DUOX2: variants seen among roughly 807,000 people sequenced by gnomAD.
DUOX2 encodes the protein dual oxidase 2.
In DUOX2, 185 loss-of-function variants were observed where a neutral mutation model predicts 183.3. The ratio of observed to expected loss-of-function variants is 1.01; its 90% CI spans 0.90 to 1.14. The LOEUF is 1.14. Among genes scored for constraint, DUOX2 ranks in the 50% most tolerant of loss-of-function variants. The pLI is 0.00. For synonymous variants in DUOX2, 788 were observed against 812.4 expected (o/e 0.97, Z 0.51); for missense variants, 1,999 against 2,022.9 (o/e 0.99, Z 0.23).
chr15:45,109,716 CCCTTGG>C (rs1458191431), intron 10 of DUOX2, 90 bp from the exon 11 acceptor site: 1 of 1,423,968 alleles, frequency 7.0e-7, no homozygotes, highest in Non-Finnish European at 9.9e-7. Context: ...GGACAAAGGG[CCCTTGG>C]CCAGTCCCAG....
At position 45,113,216 on chromosome 15, in the gene DUOX2, C is replaced by A. The variant is rs75354193; in HGVS notation, c.70+126G>T. The A allele has an allele frequency of 4.8e-6, 7 of 1,449,200 alleles. No individual in the cohort carries two copies. In the East Asian group the frequency reaches 1.5e-4, roughly 31 times the overall value. The allele number at this position is 1,449,200 out of a possible 1,614,324, so 89.8% of individuals were successfully genotyped here. ...GTGTCGGGCCGCACTGGGAAGTTTC[C>A]CATCCCGCTGAGCTGCACGGCGAAA... On this transcript the variant is annotated intron_variant, in intron 2 of 33. Coordinates refer to ENST00000389039, the MANE Select transcript of DUOX2 (RefSeq NM_001363711.2).
At chr15:45,104,117 C>G in intron 19 of DUOX2, 23 bp downstream of exon 19, 1 of 1,614,088 alleles carries the variant, frequency 6.2e-7, no homozygotes, top group Non-Finnish European at 8.5e-7. Flanking sequence ...TCTTGGATAG[C>G]CTGCCACCTC....
At chr15:45,094,883 G>T in intron 32 of DUOX2, 53 bp downstream of exon 32, 2 of 1,610,518 alleles carry the variant, frequency 1.2e-6, no homozygotes, top group Non-Finnish European at 1.7e-6. Context: ...CCTGCCTTAC[G>T]CTGCCAATCC....
intron 27 of DUOX2, 38 bp from the exon 28 acceptor site, chr15:45,097,779 G>A (rs1239220859): frequency 6.2e-7 from 1 of 1,613,954 alleles, no homozygotes; most frequent in African/African-American, 1.3e-5. Context: ...GTAGTCTCAG[G>A]ACTTCAGCTT....
chr15:45,097,205 C>T (rs758294169), intron 29 of DUOX2, 33 bp downstream of exon 29: 102 of 1,613,538 alleles, frequency 6.3e-5, no homozygotes, highest in Admixed American at 2.2e-4. Context: ...TGGCCTCTGT[C>T]GCTCCCGACC....
intron 14 of DUOX2, 134 bp downstream of exon 14, chr15:45,107,211 G>C: frequency 2.3e-6 from 3 of 1,297,958 alleles, no homozygotes; most frequent in Non-Finnish European, 3.4e-6. Flanking sequence ...GTGGGAGCCA[G>C]CCAAATGCAG....
rs764301549 is a variant in DUOX2, at chr15:45,111,489, C to T, written c.610G>A (p.Ala204Thr). 7 of 1,550,920 alleles carry T rather than the reference C, an allele frequency of 4.5e-6. No homozygotes were observed. Among genetic ancestry groups the T allele is most frequent in the Middle Eastern group, 2.3e-4 (1 of 4,380 alleles). Residue 204 changes from alanine (A) to threonine (T), a missense_variant, in exon 6 of 34, where the codon GCG becomes ACG. This residue lies in a region of DUOX2 where 356 missense variants were observed against 356.4 expected (regional missense o/e 1.00). Coordinates refer to ENST00000389039, the MANE Select transcript of DUOX2 (RefSeq NM_001363711.2). ...GGGAAAGCGGGGTCGGGCCCCGACG[C>T]CAGCTGTCCCCCCGAGAAGCTCCGC... ...ALRSFSGGQL[A>T]SGPDPAFPRD...
At position 45,106,981 on chromosome 15, in the gene DUOX2, G is replaced by A. The variant is rs1277376616; in HGVS notation, c.1694-12C>T. 2 of 1,569,836 alleles carry A rather than the reference G, an allele frequency of 1.3e-6. No homozygotes were observed. Among genetic ancestry groups the A allele is most frequent in the Non-Finnish European group, 1.7e-6 (2 of 1,156,912 alleles). Reference sequence around the variant, plus strand: ...AGGGCAGGGTGCACCTGAGGGAGAGGGCAGGGAAGACCTCAAAGTCTGAGG... The same window carrying A: ...AGGGCAGGGTGCACCTGAGGGAGAGAGCAGGGAAGACCTCAAAGTCTGAGG... On this transcript the variant is annotated splice_polypyrimidine_tract_variant and intron_variant, in intron 14 of 33. Transcript: ENST00000389039.
At chr15:45,095,788 G>A in intron 30 of DUOX2, 40 bp downstream of exon 30, 1 of 1,584,742 alleles carries the variant, frequency 6.3e-7, no homozygotes, top group Non-Finnish European at 8.7e-7. Flanking sequence ...TCCTCTGCCA[G>A]TGCCAGAGGC....
chr15:45,099,243 C>G, intron 26 of DUOX2, 140 bp downstream of exon 26: 1 of 674,448 alleles, frequency 1.5e-6, no homozygotes, highest in Non-Finnish European at 2.6e-6. Flanking sequence ...ATCTCCTGAC[C>G]TCGTGATCCG....
At chr15:45,102,614 G>A (rs112473943) in intron 20 of DUOX2, among the ~76,000 whole-genome samples, 1,924 of 152,318 alleles carry the variant, frequency 0.013, 39 homozygotes, top group African/African-American at 0.043. Flanking sequence ...ATAAAACACA[G>A]CAAGCACAAC....
rs776195889 is a variant in DUOX2, at chr15:45,110,689, G to T, written c.904C>A (p.Leu302Met). The T allele has an allele frequency of 1.2e-6, 2 of 1,612,452 alleles. No individual in the cohort carries two copies. Among genetic ancestry groups the T allele is most frequent in the Non-Finnish European group, 1.7e-6 (2 of 1,179,940 alleles). Residue 302 changes from leucine to methionine, a missense_variant, in exon 8 of 34, where the codon CTG becomes ATG. This residue lies in a region of DUOX2 where 1,628 missense variants were observed against 1,608.6 expected (regional missense o/e 1.01). Coordinates refer to ENST00000389039, the MANE Select transcript of DUOX2 (RefSeq NM_001363711.2). ...TYQNIAVYEW[L>M]PSFLQKTLPE... The stretch of plus-strand genomic sequence containing the variant: ...AGTGTTTTCTGCAGGAAGCTGGGCA[G>T]CCACTCATACACAGCGATGTTCTGA...
In DUOX2 at chr15:45,094,678, C is replaced by G. The variant is rs138103904; in HGVS notation, c.4409G>C (p.Arg1470Pro). 1.2e-6 allele frequency: 2 copies of G among 1,614,008 alleles called. No individual in the cohort carries two copies. Among genetic ancestry groups the G allele is most frequent in the East Asian group, 4.5e-5 (2 of 44,860 alleles). ...CCGGTTCAGCACTTTCTGGAAGTGC[C>G]GCTCGCAGATGTACTGGGGGCACAG... ...LRTTMLYICE[R>P]HFQKVLNRSL... Residue 1470 changes from arginine to proline, a missense_variant, in exon 33 of 34, where the codon CGG (arginine) becomes CCG (proline). Arg to Pro is a moderately radical substitution (Grantham distance 103). Around this residue, in one of 3 missense-constraint regions of DUOX2, gnomAD observed 1,628 missense variants for 1,608.6 expected, o/e 1.01. Coordinates refer to ENST00000389039, the MANE Select transcript of DUOX2 (RefSeq NM_001363711.2).
rs534912442 is a variant in DUOX2, at chr15:45,114,033, G to A, written c.-75C>T. ...CTTTCCTCTTAAAATCTTTGCTTCT[G>A]TGCTCTACTTCTTGCCTTCACCCTC... On this transcript the variant is annotated 5_prime_UTR_variant, in exon 1 of 34. Coordinates refer to ENST00000389039, the MANE Select transcript of DUOX2 (RefSeq NM_001363711.2). 42 of 200,004 alleles carry A rather than the reference G, an allele frequency of 2.1e-4. No individual in the cohort carries two copies. The highest frequency in any genetic ancestry group is 3.7e-4 in the Non-Finnish European group (36 of 96,634). The allele number at this position is 200,004 out of a possible 1,614,324, so 12.4% of individuals were successfully genotyped here.
At chr15:45,098,394 C>A (rs1030613274) in intron 26 of DUOX2, among the ~76,000 whole-genome samples, 1 of 152,212 alleles carries the variant, frequency 6.6e-6, no homozygotes, top group Non-Finnish European at 1.5e-5. Context: ...CAATACAAGG[C>A]ACACAGCAAA....
At chr15:45,111,635 A>T (rs1398229668) in intron 5 of DUOX2, 50 bp from the exon 6 acceptor site, 1 of 1,476,674 alleles carries the variant, frequency 6.8e-7, no homozygotes, top group Non-Finnish European at 8.9e-7. Context: ...GCGGCGGGCC[A>T]GGGAAGGCCG....
chr15:45,095,917 G>A lies in DUOX2; in HGVS notation c.3991C>T (p.Leu1331=), dbSNP rs200490615. ...TSAPHEDTLS[L]HIRAVGPWTT... ...CAGGGCCCCACTGCCCGGATGTGCA[G>A]GCTGAGTGTGTCCTCATGGGGCGCG... Residue 1331 remains leucine (L), a synonymous_variant, in exon 30 of 34, where the codon CTG becomes TTG. Coordinates refer to ENST00000389039, the MANE Select transcript of DUOX2 (RefSeq NM_001363711.2). 4 of 1,613,914 alleles carry A rather than the reference G, an allele frequency of 2.5e-6. No homozygotes were observed. Among genetic ancestry groups the A allele is most frequent in the Middle Eastern group, 1.6e-4 (1 of 6,084 alleles).
At chr15:45,105,540 C>T (rs1970032993) in intron 18 of DUOX2, 103 bp downstream of exon 18, 3 of 1,408,744 alleles carry the variant, frequency 2.1e-6, no homozygotes, top group Non-Finnish European at 3.0e-6. Flanking sequence ...CTCTCCAGGC[C>T]ATAGAGCGGA....
At chr15:45,107,207 G>T in intron 14 of DUOX2, 138 bp downstream of exon 14, 1 of 1,277,864 alleles carries the variant, frequency 7.8e-7, no homozygotes, top group Non-Finnish European at 1.1e-6. Flanking sequence ...TGCTGTGGGA[G>T]CCAGCCAAAT....
Sources: allele counts gnomAD v4.1 joint callset (sites outside exome capture counted in the v4.1 genomes callset), GRCh38; gene constraint gnomAD v4.1.1; regional missense constraint gnomAD v4.1.1; transcripts MANE v1.5; gene names NCBI Gene and HGNC (gene_info 2026-07-23, HGNC 2026-07-21).